The following NCALD variants were observed in gnomAD, a reference collection of about 807,000 sequenced individuals.
NCALD encodes neurocalcin delta.
In NCALD, 10 loss-of-function variants were observed where a neutral mutation model predicts 18.6. The observed-to-expected ratio is 0.54, with a 90% confidence interval of 0.33 to 0.91. The LOEUF (loss-of-function observed/expected upper bound fraction) is 0.91. Ranked by LOEUF, NCALD falls within the 40% of genes least tolerant of loss-of-function variation. NCALD has a pLI of 0.03. For missense variants in NCALD, 184 were observed against 247.6 expected (o/e 0.74, Z 1.72); for synonymous variants, 88 against 87.4 (o/e 1.01, Z -0.04).
Position 101,968,263 on chromosome 8 carries a change from C to A in NCALD, c.-157+51974G>T, listed in dbSNP as rs187873399. 2.3e-4 allele frequency among the ~76,000 whole-genome samples: 34 copies of A among 151,072 alleles called. No individual in the cohort carries two copies. In the East Asian group the frequency reaches 4.3e-3, roughly 19 times the overall value. ...GTTTTGCTCCAAGGTGAAGAAATCA[C>A]AAAAACTGGAAATAAATGGCCAACT... is the stretch of plus-strand genomic sequence containing the variant. On this transcript the variant is annotated intron_variant, in intron 2 of 6. Transcript: ENST00000311028.
chr8:101,802,176 A>G (rs1483439287), intron 4 of NCALD, among the ~76,000 whole-genome samples: 2 of 152,214 alleles, frequency 1.3e-5, no homozygotes, highest in East Asian at 3.8e-4. Flanking sequence ...ATCAGTAATC[A>G]GTAATCAGTA....
At chr8:101,996,209 A>G (rs1448664435) in intron 2 of NCALD, among the ~76,000 whole-genome samples, 2 of 152,256 alleles carry the variant, frequency 1.3e-5, no homozygotes, top group Non-Finnish European at 2.9e-5. Context: ...CTAAATAGAC[A>G]GTTTCAAAAA....
chr8:102,000,184 C>A (rs28626996), intron 2 of NCALD, among the ~76,000 whole-genome samples: 100 of 152,290 alleles, frequency 6.6e-4, no homozygotes, highest in African/African-American at 2.2e-3. Flanking sequence ...CCTAATACTG[C>A]GCTTTTCTCA....
intron 2 of NCALD, among the ~76,000 whole-genome samples, chr8:101,958,464 G>A (rs562943051): frequency 2.4e-4 from 36 of 152,216 alleles, no homozygotes; most frequent in African/African-American, 7.5e-4. Context: ...CTTGGAGTTC[G>A]TTCAAGGGAG....
At position 101,689,503 on chromosome 8, in the gene NCALD, C is replaced by T. The variant is rs1301035799; in HGVS notation, c.485-97G>A. 2 of 901,192 alleles carry T rather than the reference C, an allele frequency of 2.2e-6. No individual in the cohort carries two copies. The highest frequency in any genetic ancestry group is 1.6e-5 in the African/African-American group (1 of 60,692). The allele number at this position is 901,192 out of a possible 1,614,324, so 55.8% of individuals were successfully genotyped here. ...GTGCTGGGCAGTGTCGATTCACCTGCCTGCAGCCTCACTGCCACTGTGACA... is the reference window on the plus strand; with the variant it reads ...GTGCTGGGCAGTGTCGATTCACCTGTCTGCAGCCTCACTGCCACTGTGACA... On this transcript the variant is annotated intron_variant, in intron 3 of 3. Transcript: ENST00000220931. This position sits in a 1 kb window ranked among gnomAD's most constrained non-coding sequence, Gnocchi z 4.4.
At chr8:101,977,897 A>G (rs1820480393) in intron 2 of NCALD, among the ~76,000 whole-genome samples, 1 of 152,104 alleles carries the variant, frequency 6.6e-6, no homozygotes, top group African/African-American at 2.4e-5. Flanking sequence ...ATGGTCTTCA[A>G]TTATTTAAAG....
intron 3 of NCALD, among the ~76,000 whole-genome samples, chr8:101,897,787 T>G (rs1266235768): frequency 6.6e-6 from 1 of 152,240 alleles, no homozygotes. Context: ...CAGCATTGCA[T>G]GGTAATTCCA....
chr8:101,925,384 C>G (rs1818300708), intron 2 of NCALD, among the ~76,000 whole-genome samples: 1 of 151,516 alleles, frequency 6.6e-6, no homozygotes, highest in Admixed American at 6.6e-5. Context: ...AAGGCAGAAG[C>G]CAGCTAGTGA....
chr8:102,107,408 A>C (rs1825501623), intron 1 of NCALD, among the ~76,000 whole-genome samples: 1 of 151,990 alleles, frequency 6.6e-6, no homozygotes, highest in African/African-American at 2.4e-5. Context: ...GGCAATAATC[A>C]AGGAATTAAA....
chr8:101,985,159 C>T (rs1408069270), intron 2 of NCALD, among the ~76,000 whole-genome samples: 3 of 152,224 alleles, frequency 2.0e-5, no homozygotes, highest in Non-Finnish European at 4.4e-5. Flanking sequence ...TGGAAGCCAA[C>T]AAGCCATGGA....
At chr8:102,005,857 A>G (rs1821681782) in intron 2 of NCALD, among the ~76,000 whole-genome samples, 1 of 126,742 alleles carries the variant, frequency 7.9e-6, no homozygotes, top group Admixed American at 9.3e-5. Context: ...GAAGGGGAAC[A>G]TCACACACTG....
intron 1 of NCALD, among the ~76,000 whole-genome samples, chr8:102,069,668 G>A (rs538744526): frequency 6.0e-4 from 92 of 152,264 alleles, no homozygotes; most frequent in African/African-American, 2.1e-3. Flanking sequence ...GGGCATGTGT[G>A]TGCACACACA....
intron 4 of NCALD, among the ~76,000 whole-genome samples, chr8:101,878,850 G>A (rs1159430460): frequency 6.6e-6 from 1 of 152,170 alleles, no homozygotes; most frequent in Non-Finnish European, 1.5e-5. Context: ...ACCTCTGCAT[G>A]TAATCAATGT....
chr8:101,844,798 G>T (rs560204749), intron 4 of NCALD, among the ~76,000 whole-genome samples: 2 of 152,308 alleles, frequency 1.3e-5, no homozygotes, highest in African/African-American at 4.8e-5. Flanking sequence ...ATTGTGCAGG[G>T]TGCTTATTCT....
intron 4 of NCALD, among the ~76,000 whole-genome samples, chr8:101,870,922 A>T (rs1815990681): frequency 8.7e-6 from 1 of 114,886 alleles, no homozygotes; most frequent in Non-Finnish European, 1.7e-5. Flanking sequence ...AAAAAGAGAG[A>T]ACGTTCATGA....
intron 1 of NCALD, among the ~76,000 whole-genome samples, chr8:102,113,553 T>C (rs1825697477): frequency 6.6e-6 from 1 of 152,230 alleles, no homozygotes. Flanking sequence ...ATACAAAATA[T>C]GGTAGGCCGG....
rs546353612 is a variant in NCALD at position 101,749,308 on chromosome 8, GT to G, written c.-19-29661del. ...GAATGGATAGTCTCCATGATCAGAA[GT>G]GCTTCTCCAAAGAAGCAAAAACTAA... On this transcript the variant is annotated intron_variant, in intron 1 of 3. Coordinates refer to ENST00000220931, the MANE Select transcript of NCALD (RefSeq NM_032041.3). 5.6e-4 allele frequency among the ~76,000 whole-genome samples: 85 copies of G among 152,338 alleles called. 1 individual carries two copies. In the South Asian group the frequency reaches 7.3e-3, roughly 13 times the overall value.
At chr8:101,767,653 A>C (rs1811406032) in intron 1 of NCALD, among the ~76,000 whole-genome samples, 1 of 152,250 alleles carries the variant, frequency 6.6e-6, no homozygotes, top group Admixed American at 6.5e-5. Flanking sequence ...TGAGAAGGTC[A>C]TGATCCTTAC....
intron 1 of NCALD, among the ~76,000 whole-genome samples, chr8:101,727,490 G>T (rs55666620): frequency 0.24 from 36,033 of 151,934 alleles, 4,663 homozygotes; most frequent in African/African-American, 0.33. Flanking sequence ...TAGAGACAGG[G>T]TCTCGCAATG....
Sources: gnomAD v4.1 joint callset for allele counts (sites outside exome capture counted in the v4.1 genomes callset) on GRCh38, gnomAD v4.1.1 for gene constraint, Gnocchi (gnomAD v3.1) non-coding constraint, MANE v1.5 for transcripts, NCBI Gene and HGNC (gene_info 2026-07-23, HGNC 2026-07-21) for gene names.